The following DNAH2 variants were observed in gnomAD, a reference collection of about 807,000 sequenced individuals.
DNAH2 encodes dynein axonemal heavy chain 2, also known as axonemal beta dynein heavy chain 2.
A neutral mutation model predicts 523.5 loss-of-function variants in DNAH2; 323 were observed. The ratio of observed to expected loss-of-function variants is 0.62; its 90% CI spans 0.56 to 0.68. The LOEUF (loss-of-function observed/expected upper bound fraction) is 0.68, where lower values mean the gene tolerates loss of function less well. DNAH2 is among the 30% of genes least tolerant of loss of function. DNAH2 has a pLI of 0.00. For missense variants in DNAH2, 4,907 were observed against 5,701.5 expected, an observed-to-expected ratio of 0.86 and a Z score of 4.49; for synonymous variants, 2,093 against 2,177.4, an observed-to-expected ratio of 0.96 and a Z score of 1.08.
At position 7,786,028 on chromosome 17, in the gene DNAH2, G is replaced by A; in HGVS notation, c.6130-96G>A. ...GAGGGCCCTGGTGCCATTTTTAACA[G>A]TTTGAACGTATTCTCTCTGGCACCG... On this transcript the variant is annotated intron_variant, in intron 39 of 85. Transcript: ENST00000572933. This position sits in a 1 kb window ranked among gnomAD's most constrained non-coding sequence, Gnocchi z 7.5. 1 of 1,331,528 alleles carries A rather than the reference G, an allele frequency of 7.5e-7. No homozygotes were observed. The highest frequency in any genetic ancestry group is 1.0e-6 in the Non-Finnish European group (1 of 954,912). The allele number at this position is 1,331,528 out of a possible 1,614,324, so 82.5% of individuals were successfully genotyped here.
Position 7,779,428 on chromosome 17 carries a change from G to A in DNAH2, c.5722+5G>A, listed in dbSNP as rs1456096344. On this transcript the variant is annotated splice_donor_5th_base_variant and intron_variant, in intron 36 of 85. Transcript: ENST00000572933. ...TCTTCATTACCATGAATCCTGGTAG[G>A]TGGCAGGGAGTGGATGGGACTCCTG... 6.2e-7 allele frequency: 1 copy of A among 1,612,592 alleles called. No homozygotes were observed. Among genetic ancestry groups the A allele is most frequent in the Non-Finnish European group, 8.5e-7 (1 of 1,179,212 alleles).
Position 7,740,471 on chromosome 17 carries a change from C to T in DNAH2, c.1428C>T (p.Thr476=), listed in dbSNP as rs1186710054. ...DLEVMTQNLI[T]SAFELVRDVP... is the part of the protein sequence containing the mutation. Reference sequence around the variant, plus strand: ...AGGTGATGACCCAGAACCTGATCACCTCAGCCTTCGAGTTGGTGCGGGACG... The same window carrying T: ...AGGTGATGACCCAGAACCTGATCACTTCAGCCTTCGAGTTGGTGCGGGACG... The change falls in exon 10 of 86, where the codon ACC becomes ACT. Residue 476 remains threonine, a synonymous_variant. Coordinates refer to ENST00000572933, the MANE Select transcript of DNAH2 (RefSeq NM_020877.5). 6.2e-7 allele frequency: 1 copy of T among 1,614,196 alleles called. No homozygotes were observed. The highest frequency in any genetic ancestry group is 1.1e-5 in the South Asian group (1 of 91,090).
At chr17:7,817,882 C>A (rs778080208) in intron 67 of DNAH2, 26 bp downstream of exon 67, 4 of 1,185,482 alleles carry the variant, frequency 3.4e-6, no homozygotes, top group East Asian at 5.1e-5. Flanking sequence ...GTCAGGTTAG[C>A]CCCCCCCTTC....
intron 39 of DNAH2, among the ~76,000 whole-genome samples, chr17:7,785,562 T>A (rs1342485573): frequency 6.6e-6 from 1 of 152,242 alleles, no homozygotes; most frequent in East Asian, 1.9e-4. Flanking sequence ...CTATCTTGTA[T>A]CTATTTGAAA....
intron 77 of DNAH2, among the ~76,000 whole-genome samples, chr17:7,827,072 C>T (rs1283141055): frequency 5.9e-5 from 9 of 152,068 alleles, no homozygotes; most frequent in African/African-American, 2.2e-4. Flanking sequence ...TTCTCTGCAA[C>T]TTGCTTTTTT....
At chr17:7,737,022 G>A in intron 7 of DNAH2, 45 bp from the exon 8 acceptor site, 1 of 1,523,884 alleles carries the variant, frequency 6.6e-7, no homozygotes, top group Non-Finnish European at 9.0e-7. Flanking sequence ...TTGAATCAGT[G>A]CTTTCTAGTG....
rs372209551 is a variant in DNAH2 at position 7,798,125 on chromosome 17, A to C, written c.8231-32A>C. On this transcript the variant is annotated intron_variant, in intron 53 of 85. Coordinates refer to ENST00000572933, the MANE Select transcript of DNAH2 (RefSeq NM_020877.5). The surrounding 1 kb of genome is among the most constrained non-coding windows in gnomAD (Gnocchi z 5.5). ...GAGGTCCCCTGAGTTTGCTCAGCCAACTCATTACCCTCACACCCACCCCAC... is the reference window on the plus strand; with the variant it reads ...GAGGTCCCCTGAGTTTGCTCAGCCACCTCATTACCCTCACACCCACCCCAC... 10 of 1,552,668 alleles carry C rather than the reference A, an allele frequency of 6.4e-6. No homozygotes were observed. The highest frequency in any genetic ancestry group is 1.8e-4 in the Middle Eastern group (1 of 5,564).
At chr17:7,792,183 G>C (rs1322410237) in intron 45 of DNAH2, 69 bp from the exon 46 acceptor site, 1 of 1,601,864 alleles carries the variant, frequency 6.2e-7, no homozygotes, top group African/African-American at 1.3e-5. Flanking sequence ...CGGTGGTCTG[G>C]GGCCCGTTCT....
Position 7,776,082 on chromosome 17 carries a change from A to C in DNAH2, c.4880A>C (p.Asn1627Thr). The C allele has an allele frequency of 6.2e-7, 1 of 1,614,154 alleles. No homozygotes were observed. Reference sequence around the variant, plus strand: ...GTGACCCTGCGGGACCTTCTCCGGAACTGCCACCTGGCCCTCAGGAAGTTC... The same window carrying C: ...GTGACCCTGCGGGACCTTCTCCGGACCTGCCACCTGGCCCTCAGGAAGTTC... ...MRVTLRDLLR[N>T]CHLALRKFLN... Residue 1627 changes from asparagine (N) to threonine (T), a missense_variant, in exon 31 of 86, where the codon AAC becomes ACC. By Grantham distance (65) the Asn-to-Thr change is moderately conservative. Around this residue, in one of 3 missense-constraint regions of DNAH2, gnomAD observed 2,806 missense variants for 3,190.8 expected, o/e 0.88. Transcript: ENST00000572933.
intron 14 of DNAH2, 110 bp from the exon 15 acceptor site, chr17:7,758,775 A>G: frequency 1.3e-6 from 2 of 1,560,324 alleles, no homozygotes; most frequent in Non-Finnish European, 1.7e-6. Context: ...TTGGGGAAGG[A>G]CTTTTTTGTG....
At chr17:7,732,434 CAAAAAAAAAA>C (rs796065817) in intron 4 of DNAH2, among the ~76,000 whole-genome samples, 1 of 54,640 alleles carries the variant, frequency 1.8e-5, no homozygotes, top group Non-Finnish European at 3.7e-5. Context: ...GACTCCATCT[CAAAAAAAAAA>C]AAAAAAAAAA....
intron 52 of DNAH2, 33 bp downstream of exon 52, chr17:7,797,563 A>T (rs1279364510): frequency 6.2e-7 from 1 of 1,614,088 alleles, no homozygotes; most frequent in Non-Finnish European, 8.5e-7. Flanking sequence ...CTTGGGCTTG[A>T]CACTCTTAGA....
chr17:7,763,856 C>T lies in DNAH2; in HGVS notation c.3004C>T (p.Gln1002Ter), dbSNP rs1335910279. The T allele has an allele frequency of 6.2e-7, 1 of 1,614,158 alleles. No individual in the cohort carries two copies. Among genetic ancestry groups the T allele is most frequent in the South Asian group, 1.1e-5 (1 of 91,090 alleles). ...ARYTEVANNV[Q>*]KEETVTNIQF... is the part of the protein sequence containing the mutation. ...CTACACGGAAGTTGCTAATAACGTG[C>T]AGAAGGAGGAGACAGTCACCAACAT... The change falls in exon 19 of 86, where the codon CAG becomes TAG. Residue 1002 changes from glutamine to a stop codon, truncating the protein, a stop_gained. Coordinates refer to ENST00000572933, the MANE Select transcript of DNAH2 (RefSeq NM_020877.5). LOFTEE classifies it high-confidence loss of function.
chr17:7,802,944 A>AT (rs1014253788), intron 58 of DNAH2, among the ~76,000 whole-genome samples: 4 of 151,554 alleles, frequency 2.6e-5, no homozygotes, highest in African/African-American at 9.7e-5. Flanking sequence ...AAGTGCTGGG[A>AT]TTACAGGCAT....
Position 7,817,634 on chromosome 17 carries a change from G to A in DNAH2, c.10094G>A (p.Arg3365Gln), listed in dbSNP as rs1220578629. Residue 3365 changes from arginine to glutamine, a missense_variant, in exon 66 of 86, where the codon CGG becomes CAG. Around this residue, in one of 3 missense-constraint regions of DNAH2, gnomAD observed 1,851 missense variants for 2,139.4 expected, o/e 0.87. Coordinates refer to ENST00000572933, the MANE Select transcript of DNAH2 (RefSeq NM_020877.5). ...DNFLCNPTKV[R>Q]DWNIQGLPSD... ...TTCCTGTGCAATCCTACCAAAGTCC[G>A]GGACTGGAACATCCAAGGGTTGCCC... The A allele has an allele frequency of 8.1e-6, 13 of 1,614,100 alleles. No homozygotes were observed. Among genetic ancestry groups the A allele is most frequent in the Admixed American group, 5.0e-5 (3 of 60,002 alleles).
chr17:7,735,699 A>G (rs889745386), intron 7 of DNAH2, among the ~76,000 whole-genome samples: 6 of 151,976 alleles, frequency 3.9e-5, no homozygotes, highest in Admixed American at 6.6e-5. Context: ...TCAGCCTCCT[A>G]AAGTGTTGGG....
rs1324556796 is a variant in DNAH2 at position 7,831,174 on chromosome 17, C to T, written c.12319C>T (p.Pro4107Ser). The T allele has an allele frequency of 6.2e-7, 1 of 1,614,140 alleles. No homozygotes were observed. Among genetic ancestry groups the T allele is most frequent in the Non-Finnish European group, 8.5e-7 (1 of 1,180,020 alleles). The change falls in exon 80 of 86, where the codon CCC becomes TCC. Residue 4107 changes from proline to serine, a missense_variant. Coordinates refer to ENST00000572933, the MANE Select transcript of DNAH2 (RefSeq NM_020877.5). The surrounding 1 kb of genome is among the most constrained non-coding windows in gnomAD (Gnocchi z 4.2). Reference sequence around the variant, plus strand: ...CATCAGCTTATTGCCTGGCATGGACCCCCCTGAGGCCTTTGGCCAGCACCC... The same window carrying T: ...CATCAGCTTATTGCCTGGCATGGACTCCCCTGAGGCCTTTGGCCAGCACCC... ...EYISLLPGMD[P>S]PEAFGQHPNA...
In DNAH2 at chr17:7,824,154, G is replaced by A. The variant is rs368569791; in HGVS notation, c.11512G>A (p.Val3838Met). ...LEDSTPRSPLVFILSPGVDPT... is the reference protein window; with the variant it reads ...LEDSTPRSPLMFILSPGVDPT... Reference sequence around the variant, plus strand: ...GGATTCAACCCCACGATCCCCACTCGTGTTCATCCTGTCCCCTGGTGTGGA... The same window carrying A: ...GGATTCAACCCCACGATCCCCACTCATGTTCATCCTGTCCCCTGGTGTGGA... Residue 3838 changes from valine to methionine, a missense_variant, in exon 76 of 86, where the codon GTG (valine) becomes ATG (methionine). Coordinates refer to ENST00000572933, the MANE Select transcript of DNAH2 (RefSeq NM_020877.5). The A allele has an allele frequency of 2.5e-5, 39 of 1,579,960 alleles. No homozygotes were observed. Among genetic ancestry groups the A allele is most frequent in the Non-Finnish European group, 3.2e-5 (37 of 1,166,048 alleles).
intron 58 of DNAH2, among the ~76,000 whole-genome samples, chr17:7,802,403 A>G (rs911371624): frequency 3.3e-5 from 5 of 152,320 alleles, no homozygotes; most frequent in East Asian, 1.9e-4. Flanking sequence ...AACACAGTAC[A>G]GTCCCTCAGC....
Sources: gnomAD v4.1 joint callset for allele counts (sites outside exome capture counted in the v4.1 genomes callset) on GRCh38, gnomAD v4.1.1 for gene constraint, gnomAD v4.1.1 regional missense constraint, Gnocchi (gnomAD v3.1) non-coding constraint, MANE v1.5 for transcripts, NCBI Gene and HGNC (gene_info 2026-07-23, HGNC 2026-07-21) for gene names.